The following GUCY1A2 variants were observed in gnomAD, a reference collection of about 807,000 sequenced individuals.
GUCY1A2 encodes guanylate cyclase 1 soluble subunit alpha 2.
In GUCY1A2, 27 loss-of-function variants were observed where a neutral mutation model predicts 63.5. The observed-to-expected ratio is 0.43, with a 90% CI of 0.31 to 0.59. The LOEUF (loss-of-function observed/expected upper bound fraction) is 0.59. GUCY1A2 is among the 20% of genes least tolerant of loss of function. The probability of loss-of-function intolerance (pLI) is 0.11; values close to 1 mark genes in which losing one functional copy is unlikely to be tolerated. For synonymous variants in GUCY1A2, 364 were observed against 343.5 expected, an observed-to-expected ratio of 1.06 and a Z score of -0.66; for missense variants, 768 against 913.3, an observed-to-expected ratio of 0.84 and a Z score of 2.05.
At chr11:106,974,301 T>C (rs1415550754) in intron 3 of GUCY1A2, among the ~76,000 whole-genome samples, 1 of 152,074 alleles carries the variant, frequency 6.6e-6, no homozygotes, top group African/African-American at 2.4e-5. Context: ...ACTAACTAGT[T>C]CTCCAAGATA....
intron 4 of GUCY1A2, among the ~76,000 whole-genome samples, chr11:106,887,019 T>C (rs1217245262): frequency 6.6e-6 from 1 of 152,092 alleles, no homozygotes; most frequent in Non-Finnish European, 1.5e-5. Flanking sequence ...CCAGCCCCTA[T>C]ATCTACCTTG....
intron 4 of GUCY1A2, among the ~76,000 whole-genome samples, chr11:106,833,603 T>C (rs1859079579): frequency 6.6e-6 from 1 of 152,072 alleles, no homozygotes; most frequent in Non-Finnish European, 1.5e-5. Flanking sequence ...TCCATAAGAG[T>C]AGCGATTTCT....
chr11:106,694,149 A>G (rs893625161), intron 7 of GUCY1A2, among the ~76,000 whole-genome samples: 1 of 152,182 alleles, frequency 6.6e-6, no homozygotes, highest in Non-Finnish European at 1.5e-5. Flanking sequence ...CAATATTCCA[A>G]TCATTCCTAT....
chr11:106,924,315 G>A (rs1860490078), intron 4 of GUCY1A2, among the ~76,000 whole-genome samples: 1 of 152,116 alleles, frequency 6.6e-6, no homozygotes. Context: ...TATACCTTCT[G>A]CATTAATCAT....
chr11:106,725,152 CTTTTTTTTTTTTTTTTTT>C (rs773251118), intron 6 of GUCY1A2, among the ~76,000 whole-genome samples: 7 of 22,988 alleles, frequency 3.0e-4, no homozygotes, highest in East Asian at 2.9e-3. Context: ...GACATAAATT[CTTTTTTTTTTTTTTTTTT>C]TTTTTTTTTT....
intron 6 of GUCY1A2, among the ~76,000 whole-genome samples, chr11:106,754,962 G>A (rs1483569117): frequency 6.6e-6 from 1 of 152,136 alleles, no homozygotes; most frequent in East Asian, 1.9e-4. Flanking sequence ...TGGTAAATTT[G>A]GCTGTGAATC....
At chr11:106,930,453 T>A (rs952398809) in intron 4 of GUCY1A2, among the ~76,000 whole-genome samples, 3 of 152,212 alleles carry the variant, frequency 2.0e-5, no homozygotes, top group Admixed American at 1.3e-4. Flanking sequence ...GTATTCTTAA[T>A]CATACACAAT....
intron 4 of GUCY1A2, among the ~76,000 whole-genome samples, chr11:106,866,519 G>A (rs1202161741): frequency 6.6e-6 from 1 of 152,088 alleles, no homozygotes; most frequent in Non-Finnish European, 1.5e-5. Flanking sequence ...ATGCAAGGAA[G>A]AGAATGCGGA....
chr11:106,941,043 G>C (rs1474364644), intron 3 of GUCY1A2, among the ~76,000 whole-genome samples: 1 of 152,086 alleles, frequency 6.6e-6, no homozygotes, highest in African/African-American at 2.4e-5. Flanking sequence ...CAATCTCAGG[G>C]AAAGACATGC....
intron 3 of GUCY1A2, among the ~76,000 whole-genome samples, chr11:106,972,306 T>C (rs1004068832): frequency 3.3e-5 from 5 of 152,156 alleles, no homozygotes; most frequent in African/African-American, 1.2e-4. Flanking sequence ...GGATATATCA[T>C]AACTTTCTGT....
rs1359763308 is a variant in GUCY1A2 at position 106,674,910 on chromosome 11, CTATT to C, written c.*12635_*12638del. ...GTTTTTATTAAGTGATTTTGGAAAC[CTATT>C]TATTATTATATAGTGCCTGCAGACT... On this transcript the variant is annotated 3_prime_UTR_variant, in exon 8 of 8. Transcript: ENST00000526355. The C allele has an allele frequency of 1.8e-5, 4 of 216,788 alleles. No individual in the cohort carries two copies. Among genetic ancestry groups the C allele is most frequent in the African/African-American group, 6.8e-5 (3 of 44,320 alleles). 13.4% of individuals were successfully genotyped at this position (216,788 alleles called of 1,614,324 possible).
intron 4 of GUCY1A2, among the ~76,000 whole-genome samples, chr11:106,824,363 T>C (rs1334772268): frequency 2.0e-5 from 3 of 152,186 alleles, no homozygotes; most frequent in Admixed American, 6.5e-5. Context: ...AGTGAAAGAA[T>C]TTAGACTGGC....
At chr11:106,935,849 C>CAA (rs113637459) in intron 4 of GUCY1A2, among the ~76,000 whole-genome samples, 3 of 107,470 alleles carry the variant, frequency 2.8e-5, no homozygotes, top group African/African-American at 1.1e-4. Context: ...ACTCCATCTC[C>CAA]AAAAAAAAAA....
intron 4 of GUCY1A2, among the ~76,000 whole-genome samples, chr11:106,837,724 AT>A (rs1477347975): frequency 6.6e-6 from 1 of 151,980 alleles, no homozygotes; most frequent in African/African-American, 2.4e-5. Flanking sequence ...CACAGTTCAA[AT>A]CTGTGTTGCT....
intron 5 of GUCY1A2, among the ~76,000 whole-genome samples, chr11:106,805,886 G>C (rs1858676946): frequency 6.6e-6 from 1 of 152,076 alleles, no homozygotes; most frequent in African/African-American, 2.4e-5. Context: ...AAAAACTATA[G>C]GCTTTAGAAT....
chr11:106,904,816 T>G (rs1022544544), intron 4 of GUCY1A2, among the ~76,000 whole-genome samples: 1 of 151,670 alleles, frequency 6.6e-6, no homozygotes, highest in Non-Finnish European at 1.5e-5. Context: ...CATGACTCCT[T>G]GAGGAAAAAA....
At chr11:106,688,797 A>G (rs1306129262) in intron 7 of GUCY1A2, among the ~76,000 whole-genome samples, 1 of 152,216 alleles carries the variant, frequency 6.6e-6, no homozygotes, top group Non-Finnish European at 1.5e-5. Context: ...ATTTAAAGGC[A>G]TATACAGTTT....
chr11:106,898,233 T>A (rs1192568265), intron 4 of GUCY1A2, among the ~76,000 whole-genome samples: 1 of 152,222 alleles, frequency 6.6e-6, no homozygotes, highest in Non-Finnish European at 1.5e-5. Context: ...GGAACTTTCA[T>A]TCATTGCTAT....
rs1046243567 is a variant in GUCY1A2, at chr11:106,675,147, G to A, written c.*12402C>T. 1.9e-5 allele frequency: 4 copies of A among 212,462 alleles called. No individual in the cohort carries two copies. The highest frequency in any genetic ancestry group is 2.9e-5 in the Non-Finnish European group (3 of 105,102). The allele number at this position is 212,462 out of a possible 1,614,324, so 13.2% of individuals were successfully genotyped here. On this transcript the variant is annotated 3_prime_UTR_variant, in exon 8 of 8. Transcript: ENST00000526355. Reference sequence around the variant, plus strand: ...GAATGATATGTATTATTTCTGGAATGCACTTAATCAGTATTTTAAAAGCAT... The same window carrying A: ...GAATGATATGTATTATTTCTGGAATACACTTAATCAGTATTTTAAAAGCAT...
Sources: allele counts gnomAD v4.1 joint callset (sites outside exome capture counted in the v4.1 genomes callset), GRCh38; gene constraint gnomAD v4.1.1; transcripts MANE v1.5; gene names NCBI Gene and HGNC (gene_info 2026-07-23, HGNC 2026-07-21).